The following PEX14 variants were observed in gnomAD, a reference collection of about 807,000 sequenced individuals.
The protein encoded by PEX14 is peroxisomal biogenesis factor 14.
A neutral mutation model predicts 49.5 loss-of-function variants in PEX14; 15 were observed. The observed-to-expected ratio is 0.30, with a 90% CI of 0.20 to 0.47. The LOEUF is 0.47. PEX14 is among the 20% of genes least tolerant of loss of function. The pLI, the probability that PEX14 is intolerant of heterozygous loss-of-function variation, is 1.00. For missense variants in PEX14, 398 were observed against 494.8 expected (o/e 0.80, Z 1.86); for synonymous variants, 210 against 212.7 (o/e 0.99, Z 0.11).
At chr1:10,599,965 A>G (rs1017804418) in intron 4 of PEX14, among the ~76,000 whole-genome samples, 1 of 152,220 alleles carries the variant, frequency 6.6e-6, no homozygotes, top group Non-Finnish European at 1.5e-5. Flanking sequence ...GTTGTCTTAA[A>G]TGAAAGCTAC....
intron 2 of PEX14, among the ~76,000 whole-genome samples, chr1:10,510,862 T>A (rs1641870348): frequency 6.6e-6 from 1 of 152,194 alleles, no homozygotes; most frequent in Non-Finnish European, 1.5e-5. Context: ...GGATGACTGC[T>A]ACGCAAGCAA....
intron 4 of PEX14, among the ~76,000 whole-genome samples, chr1:10,602,037 C>T (rs1191122389): frequency 6.6e-6 from 1 of 152,138 alleles, no homozygotes; most frequent in Non-Finnish European, 1.5e-5. Flanking sequence ...ATATGTTCAC[C>T]TACTTTCCAT....
chr1:10,626,523 C>A (rs768615523), intron 7 of PEX14, among the ~76,000 whole-genome samples: 95 of 152,242 alleles, frequency 6.2e-4, no homozygotes, highest in Non-Finnish European at 1.1e-3. Flanking sequence ...GACCCCACGT[C>A]AGAGGCCAGG....
At chr1:10,617,251 G>A in intron 4 of PEX14, 1 of 152,494 alleles carries the variant, frequency 6.6e-6, no homozygotes, top group Non-Finnish European at 1.5e-5. Flanking sequence ...CTCTGTGCTG[G>A]TCCCAGTCCC....
intron 3 of PEX14, among the ~76,000 whole-genome samples, chr1:10,560,399 G>A (rs2124527890): frequency 6.6e-6 from 1 of 152,104 alleles, no homozygotes; most frequent in South Asian, 2.1e-4. Context: ...CCAGAAAAGT[G>A]GAATAGCGTA....
chr1:10,552,179 C>T (rs533204191), intron 3 of PEX14, among the ~76,000 whole-genome samples: 2 of 152,286 alleles, frequency 1.3e-5, no homozygotes, highest in Non-Finnish European at 2.9e-5. Context: ...TGTGGTGGCT[C>T]ATGCCAGTAA....
chr1:10,491,257 A>T (rs1376671641), intron 1 of PEX14, among the ~76,000 whole-genome samples: 1 of 152,170 alleles, frequency 6.6e-6, no homozygotes, highest in Non-Finnish European at 1.5e-5. Flanking sequence ...AAAAAAGGCC[A>T]GGTGTGGTGG....
In PEX14 at chr1:10,629,475, C is replaced by T. The variant is rs1641845403; in HGVS notation, c.678-56C>T. The T allele has an allele frequency of 1.1e-5, 14 of 1,292,710 alleles. No homozygotes were observed. The highest frequency in any genetic ancestry group is 5.8e-5 in the African/African-American group (4 of 68,906). 80.1% of individuals were successfully genotyped at this position (1,292,710 alleles called of 1,614,324 possible). A position where few individuals can be genotyped will look rare whatever the true frequency, so the allele number is the denominator to read the frequency against. ...GCGGGTCAGGGAAGGCGTGGCCCTT[C>T]GAAGGGGGGCGTCCTGAATGCCGCC... On this transcript the variant is annotated intron_variant, in intron 8 of 8. Transcript: ENST00000356607. This position sits in a 1 kb window ranked among gnomAD's most constrained non-coding sequence, Gnocchi z 8.5.
chr1:10,601,177 G>A (rs762412402), intron 4 of PEX14, among the ~76,000 whole-genome samples: 3 of 148,870 alleles, frequency 2.0e-5, no homozygotes, highest in Non-Finnish European at 2.9e-5. Context: ...CAGGAGAATC[G>A]CTTGAACCGA....
At chr1:10,540,754 G>A (rs909368173) in intron 3 of PEX14, among the ~76,000 whole-genome samples, 3 of 152,174 alleles carry the variant, frequency 2.0e-5, no homozygotes, top group African/African-American at 4.8e-5. Context: ...AGCTTGGGGG[G>A]AGGGCACGGA....
Position 10,613,328 on chromosome 1 carries a change from G to GC in PEX14, c.299-4999dup, listed in dbSNP as rs1557428629. Among the ~76,000 whole-genome samples the GC allele has an allele frequency of 6.6e-6, 1 of 152,306 alleles. No homozygotes were observed. Among genetic ancestry groups the GC allele is most frequent in the East Asian group, 1.9e-4 (1 of 5,186 alleles). ...GGAGCTGTGGGGATGCACCTCTCCT[G>GC]CCCCCGCTCTACCATGGTTTTACCC... is the stretch of plus-strand genomic sequence containing the variant. On this transcript the variant is annotated intron_variant, in intron 4 of 8. Transcript: ENST00000356607. The surrounding 1 kb of genome is among the most constrained non-coding windows in gnomAD (Gnocchi z 5.0).
chr1:10,536,450 G>A, intron 3 of PEX14, 153 bp downstream of exon 3: 1 of 667,972 alleles, frequency 1.5e-6, no homozygotes, highest in Non-Finnish European at 2.8e-6. Flanking sequence ...CCCCCAGTGG[G>A]GCATGCAGGT....
rs1020802057 is a variant in PEX14 at position 10,546,755 on chromosome 1, G to A, written c.169+10458G>A. ...GTGGTGGTGGGCACCTATAGTCCCC[G>A]CTGCTCAGGAGGCTGAGGCAGGAGA... On this transcript the variant is annotated intron_variant, in intron 3 of 8. Transcript: ENST00000356607. Among the ~76,000 whole-genome samples the A allele has an allele frequency of 6.7e-5, 10 of 149,108 alleles. No individual in the cohort carries two copies. In the East Asian group the frequency reaches 7.9e-4, roughly 12 times the overall value.
intron 3 of PEX14, among the ~76,000 whole-genome samples, chr1:10,552,427 G>A (rs997824702): frequency 2.0e-5 from 3 of 152,130 alleles, no homozygotes; most frequent in African/African-American, 7.2e-5. Context: ...GGGCAACAGG[G>A]CAAGACTCCG....
chr1:10,531,575 T>A (rs1460916672), intron 2 of PEX14, among the ~76,000 whole-genome samples: 1 of 152,180 alleles, frequency 6.6e-6, no homozygotes, highest in Non-Finnish European at 1.5e-5. Flanking sequence ...TTCGGGCCCG[T>A]AGATTATATT....
At chr1:10,551,184 T>C (rs990054042) in intron 3 of PEX14, among the ~76,000 whole-genome samples, 4 of 152,214 alleles carry the variant, frequency 2.6e-5, no homozygotes, top group South Asian at 2.1e-4. Flanking sequence ...TGCAATCATA[T>C]CATTTTTTAT....
At position 10,629,987 on chromosome 1, in the gene PEX14, G is replaced by A. The variant is rs1224206443; in HGVS notation, c.1134G>A (p.Ter378=). The change falls in exon 9 of 9, where the codon TAG becomes TAA. Residue 378 remains the stop codon, a stop_retained_variant. Transcript: ENST00000356607. This position sits in a 1 kb window ranked among gnomAD's most constrained non-coding sequence, Gnocchi z 8.5. ...EGASNESERD[*] ...CCAGCAACGAGAGTGAGCGGGACTA[G>A]GGCTGCGCCTGCTGCCTCCAGCCCT... 2 of 1,608,592 alleles carry A rather than the reference G, an allele frequency of 1.2e-6. No individual in the cohort carries two copies. Among genetic ancestry groups the A allele is most frequent in the South Asian group, 1.1e-5 (1 of 90,852 alleles).
intron 3 of PEX14, among the ~76,000 whole-genome samples, chr1:10,563,816 G>A (rs2124535516): frequency 6.6e-6 from 1 of 152,152 alleles, no homozygotes; most frequent in South Asian, 2.1e-4. Flanking sequence ...GGAGGCTGAG[G>A]CAGGAGAATG....
chr1:10,546,240 C>A (rs1639167367), intron 3 of PEX14, among the ~76,000 whole-genome samples: 2 of 151,836 alleles, frequency 1.3e-5, no homozygotes, highest in South Asian at 4.2e-4. Flanking sequence ...GCATCAGGAA[C>A]CTCTAGGAAT....
Sources: gnomAD v4.1 joint callset for allele counts (sites outside exome capture counted in the v4.1 genomes callset) on GRCh38, gnomAD v4.1.1 for gene constraint, Gnocchi (gnomAD v3.1) non-coding constraint, MANE v1.5 for transcripts, NCBI Gene and HGNC (gene_info 2026-07-23, HGNC 2026-07-21) for gene names.